The following TSPAN10 variants were observed in gnomAD, a reference collection of about 807,000 sequenced individuals.
The protein encoded by TSPAN10 is tetraspanin-10.
Under a neutral mutation model 15.0 loss-of-function variants are expected in TSPAN10, and 11 were observed. The observed-to-expected ratio is 0.73, with a 90% CI of 0.46 to 1.21. The LOEUF (loss-of-function observed/expected upper bound fraction) is 1.21, where lower values mean the gene tolerates loss of function less well. Ranked by LOEUF, TSPAN10 falls within the 50% of genes most tolerant of loss-of-function variation. The pLI is 0.00. For synonymous variants in TSPAN10, 241 were observed against 226.2 expected (o/e 1.07, Z -0.59); for missense variants, 486 against 470.6 (o/e 1.03, Z -0.30).
upstream of TSPAN10, chr17:81,637,839 C>G (rs191043644): frequency 6.5e-6 from 1 of 153,442 alleles, no homozygotes; most frequent in African/African-American, 2.4e-5. Context: ...GAGTCTGAGG[C>G]CGGAGAATCT....
intron 2 of TSPAN10, among the ~76,000 whole-genome samples, chr17:81,646,825 G>A (rs1231950700): frequency 1.3e-5 from 2 of 151,286 alleles, no homozygotes; most frequent in African/African-American, 2.4e-5. Context: ...TTCTGCTCAA[G>A]GGTAGCTGTC....
intron 1 of TSPAN10, 125 bp from the exon 3 acceptor site, chr17:81,644,867 C>T (rs896867731): frequency 8.8e-6 from 12 of 1,362,898 alleles, no homozygotes; most frequent in African/African-American, 7.3e-5. Flanking sequence ...TCCAGTGCTG[C>T]CCTCCGCCAT....
chr17:81,643,598 G>A (rs1394174456), intron 1 of TSPAN10, among the ~76,000 whole-genome samples: 1 of 31,710 alleles, frequency 3.2e-5, no homozygotes, highest in South Asian at 2.8e-3. Context: ...GCGACAGAGC[G>A]AGACTCCGTC....
chr17:81,648,220 C>A (rs1419798555), exon 3 of TSPAN10: 3 of 1,290,346 alleles, frequency 2.3e-6, no homozygotes, highest in Non-Finnish European at 2.9e-6. Flanking sequence ...CCCCGGAGCG[C>A]GCGGGGAGGA....
chr17:81,639,738 A>G (rs2036161281), upstream of TSPAN10, among the ~76,000 whole-genome samples: 1 of 150,602 alleles, frequency 6.6e-6, no homozygotes, highest in Non-Finnish European at 1.5e-5. Flanking sequence ...CAGCACTTTG[A>G]GAGGCCGAGG....
chr17:81,645,439 G>A (rs534217214), exon 2 of TSPAN10: 1 of 1,601,396 alleles, frequency 6.2e-7, no homozygotes, highest in Admixed American at 1.7e-5. Context: ...TGCCTTCCTG[G>A]TGCTTGAGGC....
At chr17:81,645,577 C>G in exon 2 of TSPAN10, 1 of 1,612,624 alleles carries the variant, frequency 6.2e-7, no homozygotes, top group Non-Finnish European at 8.5e-7. Flanking sequence ...CCAAGTCCAG[C>G]TCGGGCTGAG....
At chr17:81,645,812 CGTGT>C in intron 2 of TSPAN10, 183 bp downstream of exon 3, 1 of 779,376 alleles carries the variant, frequency 1.3e-6, no homozygotes, top group Non-Finnish European at 2.1e-6. Flanking sequence ...ACAGGTTTCA[CGTGT>C]GTGGACACAC....
At chr17:81,648,538 C>A (rs898712612), downstream of TSPAN10, 3 of 325,020 alleles carry the variant, frequency 9.2e-6, no homozygotes, top group Non-Finnish European at 1.6e-5. Flanking sequence ...CGGAGGAAAT[C>A]CTGAAGCTGA....
upstream of TSPAN10, chr17:81,637,662 G>A: frequency 1.3e-5 from 5 of 373,576 alleles, no homozygotes; most frequent in South Asian, 1.5e-4. Context: ...GGCCATACGC[G>A]GTGGCTCACG....
At chr17:81,640,120 C>A (rs976340939), upstream of TSPAN10, among the ~76,000 whole-genome samples, 1 of 152,084 alleles carries the variant, frequency 6.6e-6, no homozygotes, top group African/African-American at 2.4e-5. Context: ...GTAGCTGGGA[C>A]CACAAGTGCT....
At chr17:81,647,810 G>A in intron 2 of TSPAN10, 91 bp from the exon 4 acceptor site, 6 of 1,415,294 alleles carry the variant, frequency 4.2e-6, no homozygotes, top group Non-Finnish European at 5.8e-6. Context: ...CCATGGAAGG[G>A]TGAAGGTGGG....
At chr17:81,647,829 A>G in intron 2 of TSPAN10, 72 bp from the exon 4 acceptor site, 2 of 1,514,570 alleles carry the variant, frequency 1.3e-6, no homozygotes, top group Non-Finnish European at 1.8e-6. Context: ...GGTAGGCGAC[A>G]TTCGCCTCTG....
rs549997927 is a variant in TSPAN10, at chr17:81,643,874, A to C, written c.37-1118A>C. On this transcript the variant is annotated intron_variant, in intron 1 of 2. Coordinates refer to ENST00000611590, the Ensembl canonical transcript of TSPAN10. ...CGCTCTGTCACCCAGGCTGGAGTGC[A>C]GTCACGCGATCTCTGCTCATGCAAC... 1.1e-4 allele frequency among the ~76,000 whole-genome samples: 17 copies of C among 152,210 alleles called. No individual in the cohort carries two copies. The East Asian group carries it at 3.3e-3, about 29-fold the overall frequency.
upstream of TSPAN10, among the ~76,000 whole-genome samples, chr17:81,640,252 G>A (rs1001671386): frequency 3.3e-5 from 5 of 152,056 alleles, no homozygotes; most frequent in Non-Finnish European, 7.4e-5. Flanking sequence ...CTCCCAAAGT[G>A]CTTAGATTAC....
chr17:81,639,721 G>A (rs1187283169), upstream of TSPAN10, among the ~76,000 whole-genome samples: 3 of 151,560 alleles, frequency 2.0e-5, no homozygotes, highest in Non-Finnish European at 2.9e-5. Flanking sequence ...GCTCACGCCT[G>A]TCATCCCAGC....
exon 2 of TSPAN10, chr17:81,645,279 G>A: frequency 6.5e-7 from 1 of 1,533,752 alleles, no homozygotes; most frequent in Non-Finnish European, 8.7e-7. Context: ...AGGGGTCTCT[G>A]GGAAGTGATC....
intron 2 of TSPAN10, chr17:81,646,028 CTG>C (rs536344266): frequency 2.2e-4 from 69 of 319,176 alleles, no homozygotes; most frequent in African/African-American, 1.5e-3. Flanking sequence ...CAGGGTGACT[CTG>C]TTCCCCCCGC....
At chr17:81,645,039 A>C (rs1378933983) in exon 2 of TSPAN10, 1 of 1,595,850 alleles carries the variant, frequency 6.3e-7, no homozygotes, top group African/African-American at 1.3e-5. Flanking sequence ...CACCCACCTC[A>C]GGCTGCCTAG....
Sources: gnomAD v4.1 joint callset for allele counts (sites outside exome capture counted in the v4.1 genomes callset) on GRCh38, gnomAD v4.1.1 for gene constraint, MANE v1.5 for transcripts, NCBI Gene and HGNC (gene_info 2026-07-23, HGNC 2026-07-21) for gene names.